The following STAT4 variants were observed in gnomAD, a reference collection of about 807,000 sequenced individuals.
STAT4 encodes the protein signal transducer and activator of transcription 4.
A neutral mutation model predicts 110.5 loss-of-function variants in STAT4; 42 were observed. The ratio of observed to expected loss-of-function variants is 0.38; its 90% CI spans 0.30 to 0.49. The LOEUF (loss-of-function observed/expected upper bound fraction) is 0.49, where lower values mean the gene tolerates loss of function less well. Among genes scored for constraint, STAT4 ranks in the 20% least tolerant of loss-of-function variants. The probability of loss-of-function intolerance (pLI) is 0.95; values close to 1 mark genes in which losing one functional copy is unlikely to be tolerated. For synonymous variants in STAT4, 284 were observed against 302.2 expected, an observed-to-expected ratio of 0.94 and a Z score of 0.63; for missense variants, 632 against 887.9, an observed-to-expected ratio of 0.71 and a Z score of 3.66.
chr2:191,127,100 G>C (rs1698901491), intron 3 of STAT4, among the ~76,000 whole-genome samples: 1 of 151,768 alleles, frequency 6.6e-6, no homozygotes, highest in Non-Finnish European at 1.5e-5. Flanking sequence ...TGATGAGAGG[G>C]AGAACAGAGG....
Position 191,146,933 on chromosome 2 carries a change from T to A in STAT4, c.129-176A>T, listed in dbSNP as rs1699477332. ...CAACATCACTAATCATTAGGGAATT[T>A]CAAGTGAAAATCAGAGTAAGATACC... On this transcript the variant is annotated intron_variant, in intron 2 of 23. Transcript: ENST00000392320. The surrounding 1 kb of genome is among the most constrained non-coding windows in gnomAD (Gnocchi z 4.5). Among the ~76,000 whole-genome samples, 1 of 152,188 alleles carries A rather than the reference T, an allele frequency of 6.6e-6. No individual in the cohort carries two copies.
rs756285240 is a variant in STAT4, at chr2:191,066,420, C to T, written c.630+10G>A. On this transcript the variant is annotated intron_variant, in intron 7 of 23. Transcript: ENST00000392320. The surrounding 1 kb of genome is among the most constrained non-coding windows in gnomAD (Gnocchi z 4.3). ...ATAGGCAAAAGCCCAAATTAAAATT[C>T]TTCACTAACCTTTCTCTTGAAATCG... 1 of 1,611,438 alleles carries T rather than the reference C, an allele frequency of 6.2e-7. No homozygotes were observed. Among genetic ancestry groups the T allele is most frequent in the South Asian group, 1.1e-5 (1 of 90,942 alleles).
intron 13 of STAT4, 125 bp downstream of exon 13, chr2:191,057,893 C>T (rs1696750421): frequency 2.0e-5 from 18 of 888,428 alleles, no homozygotes; most frequent in Non-Finnish European, 2.4e-5. Context: ...CCACCGTGCC[C>T]GGCCGGTTCC....
chr2:191,139,112 G>A (rs917317055), intron 3 of STAT4, among the ~76,000 whole-genome samples: 4 of 151,540 alleles, frequency 2.6e-5, no homozygotes, highest in South Asian at 2.1e-4. Flanking sequence ...AATAATAAAA[G>A]CCATATATGA....
chr2:191,098,869 C>T (rs1377718008), intron 3 of STAT4, among the ~76,000 whole-genome samples: 6 of 152,022 alleles, frequency 3.9e-5, no homozygotes, highest in Non-Finnish European at 5.9e-5. Context: ...GATGCACTTT[C>T]ACTACATTTA....
At chr2:191,134,674 T>A (rs865802488) in intron 3 of STAT4, among the ~76,000 whole-genome samples, 2 of 152,158 alleles carry the variant, frequency 1.3e-5, no homozygotes, top group Non-Finnish European at 2.9e-5. Context: ...ATCAAGATCA[T>A]AGGACAAAAG....
intron 5 of STAT4, among the ~76,000 whole-genome samples, chr2:191,071,339 T>C (rs1697145301): frequency 6.6e-6 from 1 of 152,322 alleles, no homozygotes; most frequent in East Asian, 1.9e-4. Flanking sequence ...ATGCTAAGTT[T>C]CTGCAGAACA....
intron 3 of STAT4, among the ~76,000 whole-genome samples, chr2:191,146,000 G>A (rs925185927): frequency 2.0e-5 from 3 of 152,196 alleles, no homozygotes; most frequent in Non-Finnish European, 4.4e-5. Flanking sequence ...GAAATTCAAA[G>A]TTGAACACTA....
chr2:191,066,784 T>C lies in STAT4; in HGVS notation c.545-269A>G, dbSNP rs1237826677. On this transcript the variant is annotated intron_variant, in intron 6 of 23. Transcript: ENST00000392320. This position sits in a 1 kb window ranked among gnomAD's most constrained non-coding sequence, Gnocchi z 4.3. ...TTGTTTTGTTTTGTTTTGGTGGTGG[T>C]GGACAGAGGAGATAAAGTTGCTGTA... Among the ~76,000 whole-genome samples the C allele has an allele frequency of 2.0e-5, 3 of 152,188 alleles. No individual in the cohort carries two copies. The highest frequency in any genetic ancestry group is 7.2e-5 in the African/African-American group (3 of 41,440).
In STAT4 at chr2:191,131,315, G is replaced by A. The variant is rs116321102; in HGVS notation, c.273+15298C>T. On this transcript the variant is annotated intron_variant, in intron 3 of 23. Coordinates refer to ENST00000392320, the MANE Select transcript of STAT4 (RefSeq NM_003151.4). ...ATAGCAAAGAAATACAGGAAATAAC[G>A]CAAATGCCCATCAACAGTAGAATGA... is the stretch of plus-strand genomic sequence containing the variant. Among the ~76,000 whole-genome samples the A allele has an allele frequency of 7.7e-3, 1,171 of 151,812 alleles. 48 individuals are homozygous for A. Among genetic ancestry groups the A allele is most frequent in the Middle Eastern group, 0.024 (7 of 292 alleles).
chr2:191,080,812 T>C (rs959071464), intron 3 of STAT4, among the ~76,000 whole-genome samples: 1 of 152,206 alleles, frequency 6.6e-6, no homozygotes, highest in African/African-American at 2.4e-5. Flanking sequence ...CCATCCACTA[T>C]CGTGTTTCAC....
chr2:191,074,774 T>A (rs1697264038), intron 4 of STAT4, among the ~76,000 whole-genome samples: 1 of 152,178 alleles, frequency 6.6e-6, no homozygotes, highest in African/African-American at 2.4e-5. Context: ...TCCTTCTTCA[T>A]CTAAAAAATA....
chr2:191,041,122 A>G lies in STAT4; in HGVS notation c.1278T>C (p.Leu426=). Residue 426 remains leucine, a synonymous_variant, in exon 15 of 24, where the codon CTT becomes CTC. Transcript: ENST00000392320. ...NEGCHMVTEE[L]HSITFETQIC... The stretch of plus-strand genomic sequence containing the variant: ...TCTGTGTTTCAAACGTTATGGAATG[A>G]AGTTCTTCAGTCACCATGTGACAGC... 1.3e-6 allele frequency: 2 copies of G among 1,489,084 alleles called. No homozygotes were observed. Among genetic ancestry groups the G allele is most frequent in the Non-Finnish European group, 1.8e-6 (2 of 1,114,086 alleles). 92.2% of individuals were successfully genotyped at this position (1,489,084 alleles called of 1,614,324 possible). A position where few individuals can be genotyped will look rare whatever the true frequency, so the allele number is the denominator to read the frequency against.
intron 3 of STAT4, among the ~76,000 whole-genome samples, chr2:191,130,677 G>A (rs1337206073): frequency 6.6e-6 from 1 of 151,708 alleles, no homozygotes; most frequent in Non-Finnish European, 1.5e-5. Flanking sequence ...CATCATGTGA[G>A]CTCCTACTTA....
At chr2:191,092,067 A>G (rs1697814480) in intron 3 of STAT4, among the ~76,000 whole-genome samples, 3 of 152,234 alleles carry the variant, frequency 2.0e-5, no homozygotes. Context: ...TCTTGCTTGT[A>G]TAATTGTCAA....
chr2:191,087,369 T>G (rs1352022930), intron 3 of STAT4, among the ~76,000 whole-genome samples: 1 of 152,162 alleles, frequency 6.6e-6, no homozygotes. Context: ...AATATTTTAC[T>G]CCCAAATATA....
intron 3 of STAT4, among the ~76,000 whole-genome samples, chr2:191,096,967 ACAC>A (rs1478028670): frequency 9.2e-5 from 14 of 152,296 alleles, no homozygotes; most frequent in Admixed American, 9.1e-4. Flanking sequence ...GCATTCTTAT[ACAC>A]CAATAACAGA....
At chr2:191,036,386 T>A in intron 16 of STAT4, 87 bp from the exon 17 acceptor site, 1 of 1,372,190 alleles carries the variant, frequency 7.3e-7, no homozygotes, top group Non-Finnish European at 1.0e-6. Flanking sequence ...GGTCTCCCCC[T>A]CTCCCCACAC....
At position 191,064,841 on chromosome 2, in the gene STAT4, G is replaced by C; in HGVS notation, c.748C>G (p.Pro250Ala). 3.7e-6 allele frequency: 6 copies of C among 1,613,368 alleles called. No homozygotes were observed. The highest frequency in any genetic ancestry group is 5.1e-6 in the Non-Finnish European group (6 of 1,179,644). ...RRQQIACIGG[P>A]LHNGLDQLQN... ...AGCTGGTCGAGCCCATTGTGGAGTG[G>C]ACCCCCGATGCAGGCGATTTGCTGC... Residue 250 changes from proline (P) to alanine (A), a missense_variant, in exon 8 of 24, where the codon CCA becomes GCA. Pro to Ala is a conservative substitution (Grantham distance 27). Coordinates refer to ENST00000392320, the MANE Select transcript of STAT4 (RefSeq NM_003151.4).
Sources: gnomAD v4.1 joint callset for allele counts (sites outside exome capture counted in the v4.1 genomes callset) on GRCh38, gnomAD v4.1.1 for gene constraint, Gnocchi (gnomAD v3.1) non-coding constraint, MANE v1.5 for transcripts, NCBI Gene and HGNC (gene_info 2026-07-23, HGNC 2026-07-21) for gene names.